The following SAAL1 variants were observed in gnomAD, a reference collection of about 807,000 sequenced individuals.
The protein encoded by SAAL1 is protein SAAL1.
Under a neutral mutation model 59.8 loss-of-function variants are expected in SAAL1, and 42 were observed. The observed-to-expected ratio is 0.70, with a 90% confidence interval of 0.55 to 0.91. SAAL1 has a LOEUF of 0.91. SAAL1 is among the 40% of genes least tolerant of loss of function. The probability of loss-of-function intolerance (pLI) is 0.00; values close to 1 mark genes in which losing one functional copy is unlikely to be tolerated. For synonymous variants in SAAL1, 191 were observed against 194.3 expected, an observed-to-expected ratio of 0.98 and a Z score of 0.14; for missense variants, 542 against 561.1, an observed-to-expected ratio of 0.97 and a Z score of 0.34.
chr11:18,090,759 T>C, intron 4 of SAAL1: 1 of 300,650 alleles, frequency 3.3e-6, no homozygotes, highest in South Asian at 9.0e-5. Flanking sequence ...ACCATTCTGA[T>C]TTTTCCAGCA....
chr11:18,081,107 T>C (rs541232557), intron 11 of SAAL1, among the ~76,000 whole-genome samples: 6 of 152,298 alleles, frequency 3.9e-5, no homozygotes, highest in Middle Eastern at 3.4e-3. Context: ...GTGAGCTTAG[T>C]ACCCAATAGG....
At chr11:18,081,378 C>A in intron 11 of SAAL1, 33 bp downstream of exon 11, 2 of 1,455,604 alleles carry the variant, frequency 1.4e-6, no homozygotes, top group Non-Finnish European at 1.9e-6. Flanking sequence ...TCCTACAAAA[C>A]TTGGCCACCT....
chr11:18,095,989 C>A (rs1848571580), intron 3 of SAAL1, among the ~76,000 whole-genome samples: 1 of 152,126 alleles, frequency 6.6e-6, no homozygotes, highest in African/African-American at 2.4e-5. Context: ...ACCTGGCTAT[C>A]CAGATTTTAT....
chr11:18,105,136 C>A (rs866429417), intron 1 of SAAL1, among the ~76,000 whole-genome samples: 1 of 151,812 alleles, frequency 6.6e-6, no homozygotes. Flanking sequence ...GGTTCTGAGC[C>A]GTTAGGTGAC....
intron 2 of SAAL1, among the ~76,000 whole-genome samples, chr11:18,097,355 T>A (rs1439835935): frequency 1.3e-5 from 2 of 151,800 alleles, no homozygotes; most frequent in Non-Finnish European, 2.9e-5. Context: ...TGGTAACTAG[T>A]CCCAGACAAT....
At position 18,105,885 on chromosome 11, in the gene SAAL1, C is replaced by T. The variant is rs150198208; in HGVS notation, c.135+22G>A. ...GCCTGGGGGATGTAGGGACACCCCA[C>T]GCGTGGCGCGAGTTTCCACACCTGG... is the stretch of plus-strand genomic sequence containing the variant. On this transcript the variant is annotated intron_variant, in intron 1 of 11. Coordinates refer to ENST00000524803, the MANE Select transcript of SAAL1 (RefSeq NM_138421.3). 3.5e-5 allele frequency: 55 copies of T among 1,574,928 alleles called. 1 individual carries two copies. The East Asian group carries it at 1.3e-3, about 36-fold the overall frequency.
At chr11:18,084,182 C>T (rs1035953761) in intron 9 of SAAL1, among the ~76,000 whole-genome samples, 2 of 152,082 alleles carry the variant, frequency 1.3e-5, no homozygotes, top group Admixed American at 1.3e-4. Flanking sequence ...ACAAAAAGTA[C>T]AAAAAAATTA....
At chr11:18,081,015 G>T (rs1196717716) in intron 11 of SAAL1, among the ~76,000 whole-genome samples, 1 of 152,026 alleles carries the variant, frequency 6.6e-6, no homozygotes, top group Non-Finnish European at 1.5e-5. Flanking sequence ...AGACTCAGGG[G>T]AGTCTAAATG....
intron 9 of SAAL1, among the ~76,000 whole-genome samples, chr11:18,084,399 T>C (rs1364648392): frequency 6.6e-6 from 1 of 152,160 alleles, no homozygotes; most frequent in Non-Finnish European, 1.5e-5. Flanking sequence ...CCCACCATGG[T>C]TCCCCACCTC....
At chr11:18,096,918 G>A (rs1488756926) in intron 2 of SAAL1, 64 bp from the exon 3 acceptor site, 6 of 858,256 alleles carry the variant, frequency 7.0e-6, no homozygotes, top group African/African-American at 1.7e-5. Flanking sequence ...TAAAGCTCAG[G>A]CAACCATAAA....
chr11:18,081,653 T>C (rs1315960858), intron 10 of SAAL1, 150 bp from the exon 11 acceptor site: 3 of 626,342 alleles, frequency 4.8e-6, no homozygotes, highest in African/African-American at 3.7e-5. Context: ...AGGAGGCTTA[T>C]GTAACCCAAA....
In SAAL1 at chr11:18,088,178, G is replaced by C. The variant is rs558932156; in HGVS notation, c.771-953C>G. Among the ~76,000 whole-genome samples, 3 of 152,294 alleles carry C rather than the reference G, an allele frequency of 2.0e-5. No homozygotes were observed. In the South Asian group the frequency reaches 6.2e-4, roughly 32 times the overall value. On this transcript the variant is annotated intron_variant, in intron 7 of 11. Transcript: ENST00000524803. The stretch of plus-strand genomic sequence containing the variant: ...TGAAACGCAGAGTACAAGGAATAAG[G>C]ATAGCGCTACTGGGTCCATAAGCTG...
At chr11:18,101,561 A>G (rs1180886166) in intron 2 of SAAL1, among the ~76,000 whole-genome samples, 1 of 152,190 alleles carries the variant, frequency 6.6e-6, no homozygotes, top group Non-Finnish European at 1.5e-5. Context: ...CTCCCCAGCC[A>G]TACTGAACTG....
chr11:18,086,717 A>G (rs1848467362), intron 9 of SAAL1, 149 bp downstream of exon 9: 4 of 446,422 alleles, frequency 9.0e-6, no homozygotes, highest in Non-Finnish European at 1.5e-5. Context: ...ATAAAAATCA[A>G]TAAAAAATAA....
intron 10 of SAAL1, 148 bp from the exon 11 acceptor site, chr11:18,081,651 TATGTAACCCAAAC>T: frequency 1.6e-6 from 1 of 627,178 alleles, no homozygotes; most frequent in Non-Finnish European, 2.9e-6. Context: ...CAAGGAGGCT[TATGTAACCCAAAC>T]ATGTTCTCCA....
At chr11:18,101,580 T>C (rs911832707) in intron 2 of SAAL1, among the ~76,000 whole-genome samples, 1 of 152,176 alleles carries the variant, frequency 6.6e-6, no homozygotes, top group African/African-American at 2.4e-5. Flanking sequence ...TGAGAGTCAA[T>C]TAAACCTCTT....
At chr11:18,089,183 A>C (rs1848496536) in intron 7 of SAAL1, 147 bp downstream of exon 7, 3 of 620,286 alleles carry the variant, frequency 4.8e-6, no homozygotes, top group Non-Finnish European at 7.7e-6. Context: ...TACAGGTTGC[A>C]TCACAAATAG....
intron 7 of SAAL1, 100 bp from the exon 8 acceptor site, chr11:18,087,325 T>G: frequency 1.4e-6 from 1 of 735,742 alleles, no homozygotes; most frequent in Non-Finnish European, 2.3e-6. Flanking sequence ...TGCCAGCCAC[T>G]GTTCAAGGTG....
rs150288558 is a variant in SAAL1 at position 18,089,241 on chromosome 11, T to C, written c.770+89A>G. ...GGAGTGACTATGTACTTTATTCTGT[T>C]GTAAGGAATATAAGAAGACTTTTAT... On this transcript the variant is annotated intron_variant, in intron 7 of 11. Coordinates refer to ENST00000524803, the MANE Select transcript of SAAL1 (RefSeq NM_138421.3). 3,680 of 1,155,890 alleles carry C rather than the reference T, an allele frequency of 3.2e-3. 13 individuals carry two copies. Among genetic ancestry groups the C allele is most frequent in the Middle Eastern group, 9.5e-3 (47 of 4,932 alleles). The allele number at this position is 1,155,890 out of a possible 1,614,324, so 71.6% of individuals were successfully genotyped here. A position where few individuals can be genotyped will look rare whatever the true frequency, so the allele number is the denominator to read the frequency against.
Sources: allele counts gnomAD v4.1 joint callset (sites outside exome capture counted in the v4.1 genomes callset), GRCh38; gene constraint gnomAD v4.1.1; transcripts MANE v1.5; gene names NCBI Gene and HGNC (gene_info 2026-07-23, HGNC 2026-07-21).